CTNNA2: variants seen among roughly 807,000 people sequenced by gnomAD.
The protein encoded by CTNNA2 is catenin alpha 2, also known as catenin alpha-2.
Under a neutral mutation model 101.0 loss-of-function variants are expected in CTNNA2, and 42 were observed. The ratio of observed to expected loss-of-function variants is 0.42; its 90% confidence interval spans 0.32 to 0.54. The LOEUF (loss-of-function observed/expected upper bound fraction) is 0.54, where lower values mean the gene tolerates loss of function less well. Among genes scored for constraint, CTNNA2 ranks in the 20% least tolerant of loss-of-function variants. CTNNA2 has a pLI of 0.14. For synonymous variants in CTNNA2, 450 were observed against 456.4 expected, an observed-to-expected ratio of 0.99 and a Z score of 0.18; for missense variants, 871 against 1,223.1, an observed-to-expected ratio of 0.71 and a Z score of 4.29.
chr2:79,874,336 G>A lies in CTNNA2; in HGVS notation c.846G>A (p.Glu282=), dbSNP rs1222267325. The change falls in exon 6 of 19, where the codon GAG becomes GAA. Residue 282 remains glutamate (E), a synonymous_variant. Transcript: ENST00000402739. Reference sequence around the variant, plus strand: ...GCGAGCTGGCTGCGGCTCTTAATGAGTTTGACGTAAGCATCCTGGTGAGGT... The same window carrying A: ...GCGAGCTGGCTGCGGCTCTTAATGAATTTGACGTAAGCATCCTGGTGAGGT... ...GIGELAAALN[E]FDNKIILDPM... 1 of 1,613,498 alleles carries A rather than the reference G, an allele frequency of 6.2e-7. No homozygotes were observed. Among genetic ancestry groups the A allele is most frequent in the Admixed American group, 1.7e-5 (1 of 59,994 alleles).
chr2:79,233,958 GAA>G (rs988114073), intron 2 of CTNNA2, among the ~76,000 whole-genome samples: 2 of 150,278 alleles, frequency 1.3e-5, no homozygotes, highest in Admixed American at 6.7e-5. Context: ...TGCATCTCAT[GAA>G]AAGAGTAGAC....
intron 18 of CTNNA2, among the ~76,000 whole-genome samples, chr2:80,637,087 T>C (rs1187552818): frequency 2.0e-5 from 3 of 151,932 alleles, no homozygotes; most frequent in Non-Finnish European, 2.9e-5. Context: ...AAATGCTGAA[T>C]GGGGGAAACT....
chr2:79,737,288 G>T (rs1670957818), intron 2 of CTNNA2, among the ~76,000 whole-genome samples: 1 of 151,708 alleles, frequency 6.6e-6, no homozygotes, highest in Non-Finnish European at 1.5e-5. Flanking sequence ...GATAGAGGTT[G>T]CGGTGCGCCA....
intron 12 of CTNNA2, among the ~76,000 whole-genome samples, chr2:80,569,719 T>TG (rs1315277501): frequency 1.4e-5 from 2 of 138,184 alleles, no homozygotes; most frequent in East Asian, 4.9e-4. Context: ...CTCGGCTCAC[T>TG]GCAAGCTCTG....
chr2:80,647,051 A>C (rs192708702), intron 18 of CTNNA2, among the ~76,000 whole-genome samples: 62 of 152,252 alleles, frequency 4.1e-4, no homozygotes, highest in South Asian at 8.3e-4. Context: ...CATAAGTATC[A>C]GTATTTATAT....
At chr2:79,363,357 T>A (rs908368651) in intron 3 of CTNNA2, among the ~76,000 whole-genome samples, 3 of 152,212 alleles carry the variant, frequency 2.0e-5, no homozygotes, top group Non-Finnish European at 4.4e-5. Context: ...TACTGCCTTA[T>A]TCTAAATACA....
intron 4 of CTNNA2, among the ~76,000 whole-genome samples, chr2:79,446,119 T>C (rs182120368): frequency 6.6e-6 from 1 of 152,226 alleles, no homozygotes; most frequent in Non-Finnish European, 1.5e-5. Flanking sequence ...AAGACTTATA[T>C]TTGTATTTTC....
In CTNNA2 at chr2:80,648,269, G is replaced by A. The variant is rs1573566332; in HGVS notation, c.*397G>A. ...AAGTGAAAAATCTGGAAGTGTAATGGTAGAACATAAAACTTGTATTGCTTC... is the reference window on the plus strand; with the variant it reads ...AAGTGAAAAATCTGGAAGTGTAATGATAGAACATAAAACTTGTATTGCTTC... On this transcript the variant is annotated 3_prime_UTR_variant, in exon 19 of 19. Transcript: ENST00000402739. 6.4e-6 allele frequency: 1 copy of A among 156,550 alleles called. No homozygotes were observed. The highest frequency in any genetic ancestry group is 1.4e-5 in the Non-Finnish European group (1 of 70,678). The allele number at this position is 156,550 out of a possible 1,614,324, so 9.7% of individuals were successfully genotyped here.
At chr2:80,060,033 G>T (rs897867555) in intron 7 of CTNNA2, among the ~76,000 whole-genome samples, 2 of 152,172 alleles carry the variant, frequency 1.3e-5, no homozygotes, top group Non-Finnish European at 2.9e-5. Flanking sequence ...TTGCTATTTT[G>T]TCTCTCTAGA....
At chr2:80,553,891 G>A (rs1692796096) in intron 11 of CTNNA2, among the ~76,000 whole-genome samples, 2 of 152,076 alleles carry the variant, frequency 1.3e-5, no homozygotes, top group African/African-American at 2.4e-5. Flanking sequence ...GTTTAATCAT[G>A]TTTTCATTAA....
At chr2:79,342,780 A>T (rs1450553394) in intron 3 of CTNNA2, among the ~76,000 whole-genome samples, 2 of 152,146 alleles carry the variant, frequency 1.3e-5, no homozygotes, top group Non-Finnish European at 2.9e-5. Context: ...TTACTTCAAA[A>T]ATCTGTAGCC....
chr2:79,734,921 C>T (rs1670763217), intron 2 of CTNNA2, among the ~76,000 whole-genome samples: 2 of 152,116 alleles, frequency 1.3e-5, no homozygotes, highest in Non-Finnish European at 2.9e-5. Flanking sequence ...AGAGAATACA[C>T]AATGAGCATC....
At chr2:79,546,444 G>T (rs1050766391) in intron 1 of CTNNA2, among the ~76,000 whole-genome samples, 4 of 152,062 alleles carry the variant, frequency 2.6e-5, no homozygotes, top group African/African-American at 9.7e-5. Flanking sequence ...ATTTACAATT[G>T]TATTCAAATT....
intron 2 of CTNNA2, among the ~76,000 whole-genome samples, chr2:79,304,885 T>C (rs1295847856): frequency 6.6e-6 from 1 of 152,196 alleles, no homozygotes; most frequent in African/African-American, 2.4e-5. Context: ...ACTAAAGTAG[T>C]GGGTTTTATT....
At chr2:79,228,323 C>T (rs951308026) in intron 2 of CTNNA2, among the ~76,000 whole-genome samples, 1 of 152,206 alleles carries the variant, frequency 6.6e-6, no homozygotes, top group African/African-American at 2.4e-5. Context: ...TTTGAGAAAT[C>T]TCAAAACTGC....
intron 18 of CTNNA2, among the ~76,000 whole-genome samples, chr2:80,623,403 C>A (rs145874390): frequency 6.2e-4 from 94 of 151,648 alleles, no homozygotes; most frequent in African/African-American, 2.2e-3. Flanking sequence ...AGGAGTTTTC[C>A]AGGTGGAAGG....
intron 3 of CTNNA2, among the ~76,000 whole-genome samples, chr2:79,329,906 G>A (rs1233157781): frequency 6.6e-6 from 1 of 152,116 alleles, no homozygotes; most frequent in Non-Finnish European, 1.5e-5. Context: ...TTCCATTCTA[G>A]CAAAGTGAAT....
At chr2:79,798,640 G>A (rs897607095) in intron 3 of CTNNA2, among the ~76,000 whole-genome samples, 5 of 145,478 alleles carry the variant, frequency 3.4e-5, no homozygotes, top group African/African-American at 7.7e-5. Context: ...TAGAAATTAC[G>A]ATGTGACCAA....
intron 7 of CTNNA2, among the ~76,000 whole-genome samples, chr2:80,391,302 G>T (rs972889395): frequency 1.3e-5 from 2 of 152,028 alleles, no homozygotes; most frequent in Admixed American, 1.3e-4. Flanking sequence ...CATCTGAAAA[G>T]TGGTTGTATA....
Sources: allele counts gnomAD v4.1 joint callset (sites outside exome capture counted in the v4.1 genomes callset), GRCh38; gene constraint gnomAD v4.1.1; transcripts MANE v1.5; gene names NCBI Gene and HGNC (gene_info 2026-07-23, HGNC 2026-07-21).